The following ANKK1 variants were observed in gnomAD, a reference collection of about 807,000 sequenced individuals.
ANKK1 encodes the protein ankyrin repeat and protein kinase domain-containing protein 1.
In ANKK1, 37 loss-of-function variants were observed where a neutral mutation model predicts 37.6. The ratio of observed to expected loss-of-function variants is 0.98; its 90% confidence interval spans 0.76 to 1.29. The LOEUF (loss-of-function observed/expected upper bound fraction) is 1.29, where lower values mean the gene tolerates loss of function less well. Ranked by LOEUF, ANKK1 falls within the 50% of genes most tolerant of loss-of-function variation. The probability of loss-of-function intolerance (pLI) is 0.00; values close to 1 mark genes in which losing one functional copy is unlikely to be tolerated. For synonymous variants in ANKK1, 415 were observed against 418.7 expected, an observed-to-expected ratio of 0.99 and a Z score of 0.11; for missense variants, 1,019 against 990.6, an observed-to-expected ratio of 1.03 and a Z score of -0.39.
intron 5 of ANKK1, among the ~76,000 whole-genome samples, chr11:113,396,554 G>A (rs928702780): frequency 3.3e-5 from 5 of 151,966 alleles, no homozygotes; most frequent in African/African-American, 1.2e-4. Flanking sequence ...TATTCAGGCT[G>A]TTCTCAAACT....
At chr11:113,392,548 C>G (rs1950596073) in intron 1 of ANKK1, among the ~76,000 whole-genome samples, 1 of 152,240 alleles carries the variant, frequency 6.6e-6, no homozygotes, top group Admixed American at 6.5e-5. Context: ...TTTGCAAATA[C>G]TGTGCTCTCA....
chr11:113,393,924 G>C, intron 2 of ANKK1, 149 bp downstream of exon 2: 3 of 986,060 alleles, frequency 3.0e-6, no homozygotes, highest in Non-Finnish European at 4.3e-6. Context: ...CACTGCAATA[G>C]AGATGGCTAA....
rs1432599659 is a variant in ANKK1, at chr11:113,399,316, C to T, written c.1347C>T (p.Asp449=). ...GDDGTARLLL[D]HGACVDAQER... ...ACGGCACTGCGCGCCTGCTCCTGGA[C>T]CACGGGGCCTGTGTGGATGCCCAGG... The change falls in exon 8 of 8, where the codon GAC becomes GAT. Residue 449 remains aspartate, a synonymous_variant. Coordinates refer to ENST00000303941, the MANE Select transcript of ANKK1 (RefSeq NM_178510.2). The T allele has an allele frequency of 6.2e-7, 1 of 1,600,470 alleles. No homozygotes were observed. Among genetic ancestry groups the T allele is most frequent in the Non-Finnish European group, 8.5e-7 (1 of 1,173,940 alleles).
intron 3 of ANKK1, 72 bp from the exon 4 acceptor site, chr11:113,395,287 C>T (rs540571046): frequency 4.4e-6 from 7 of 1,587,530 alleles, no homozygotes; most frequent in Non-Finnish European, 6.0e-6. Flanking sequence ...GCCCCCCGAC[C>T]CTGCCACCCC....
chr11:113,397,936 T>G, intron 6 of ANKK1, 44 bp from the exon 7 acceptor site: 1 of 1,551,838 alleles, frequency 6.4e-7, no homozygotes, highest in Non-Finnish European at 8.7e-7. Context: ...AGGCTAGAAC[T>G]GCGCCACTGA....
At chr11:113,393,112 G>A (rs548605784) in intron 1 of ANKK1, among the ~76,000 whole-genome samples, 1 of 152,260 alleles carries the variant, frequency 6.6e-6, no homozygotes, top group South Asian at 2.1e-4. Flanking sequence ...ATGTTTTGAA[G>A]CAGAAGCATG....
At chr11:113,393,845 C>A in intron 2 of ANKK1, 70 bp downstream of exon 2, 1 of 1,484,498 alleles carries the variant, frequency 6.7e-7, no homozygotes, top group Non-Finnish European at 9.0e-7. Flanking sequence ...GAATTATCCA[C>A]CTGCCTGACC....
intron 1 of ANKK1, among the ~76,000 whole-genome samples, chr11:113,389,981 G>A (rs898103229): frequency 6.6e-6 from 1 of 152,212 alleles, no homozygotes; most frequent in African/African-American, 2.4e-5. Context: ...ACGGATAATA[G>A]GGGCTAGAGT....
intron 1 of ANKK1, 35 bp from the exon 2 acceptor site, chr11:113,393,446 C>A: frequency 6.3e-7 from 1 of 1,580,700 alleles, no homozygotes; most frequent in South Asian, 1.2e-5. Context: ...ATGAATGGGT[C>A]ACCCCCTTCC....
At chr11:113,394,114 C>T (rs1287892991) in intron 2 of ANKK1, among the ~76,000 whole-genome samples, 1 of 151,874 alleles carries the variant, frequency 6.6e-6, no homozygotes, top group East Asian at 1.9e-4. Context: ...GACATTCTTT[C>T]ACTTCCTAAA....
rs1351902391 is a variant in ANKK1, at chr11:113,399,831, C to T, written c.1862C>T (p.Ala621Val). 1 of 1,608,932 alleles carries T rather than the reference C, an allele frequency of 6.2e-7. No individual in the cohort carries two copies. Residue 621 changes from alanine to valine, a missense_variant, in exon 8 of 8, where the codon GCT becomes GTT. Transcript: ENST00000303941. ...LLAESHANMG[A>V]LGAVNWTPLH... ...GCAGAGAGCCACGCAAACATGGGTG[C>T]TCTTGGAGCTGTGAACTGGACTCCC...
intron 1 of ANKK1, among the ~76,000 whole-genome samples, chr11:113,389,260 C>T (rs1188175149): frequency 6.6e-6 from 1 of 152,078 alleles, no homozygotes; most frequent in Admixed American, 6.6e-5. Flanking sequence ...CTTTCCCTTC[C>T]CAAGTTCTGG....
intron 5 of ANKK1, 25 bp downstream of exon 5, chr11:113,396,247 A>G (rs374985284): frequency 2.2e-4 from 348 of 1,608,662 alleles, no homozygotes; most frequent in Non-Finnish European, 2.8e-4. Context: ...CCCCCTACCC[A>G]GGGACTGGGA....
Position 113,399,276 on chromosome 11 carries a change from C to A in ANKK1, c.1307C>A (p.Ala436Asp). The change falls in exon 8 of 8, where the codon GCC becomes GAC. Residue 436 changes from alanine (A) to aspartate (D), a missense_variant. Coordinates refer to ENST00000303941, the MANE Select transcript of ANKK1 (RefSeq NM_178510.2). ...GGCTGGGCCCCACTGCACTTTGCAG[C>A]CCAGAATGGGGATGACGGCACTGCG... is the stretch of plus-strand genomic sequence containing the variant. ...EDGWAPLHFAAQNGDDGTARL... is the reference protein window; with the variant it reads ...EDGWAPLHFADQNGDDGTARL... 6.2e-7 allele frequency: 1 copy of A among 1,605,988 alleles called. No individual in the cohort carries two copies. Among genetic ancestry groups the A allele is most frequent in the African/African-American group, 1.3e-5 (1 of 74,926 alleles).
At position 113,394,953 on chromosome 11, in the gene ANKK1, T is replaced by G; in HGVS notation, c.505T>G (p.Trp169Gly). Residue 169 changes from tryptophan (W) to glycine (G), a missense_variant, in exon 3 of 8, where the codon TGG becomes GGG. Trp to Gly is a radical substitution (Grantham distance 184, BLOSUM62 -2). Coordinates refer to ENST00000303941, the MANE Select transcript of ANKK1 (RefSeq NM_178510.2). ...VKISDFGLSK[W>G]MEQSTRMQYI... ...GATTTCAGACTTCGGCCTGTCCAAGTGGATGGAACAGTCCACCCGGATGCA... is the reference window on the plus strand; with the variant it reads ...GATTTCAGACTTCGGCCTGTCCAAGGGGATGGAACAGTCCACCCGGATGCA... 1 of 1,612,216 alleles carries G rather than the reference T, an allele frequency of 6.2e-7. No homozygotes were observed. The highest frequency in any genetic ancestry group is 8.5e-7 in the Non-Finnish European group (1 of 1,178,740).
At position 113,387,944 on chromosome 11, in the gene ANKK1, C is replaced by A; in HGVS notation, c.60C>A (p.Asp20Glu). ...LGSLPVFTRD[D>E]FEGDWRLVAS... ...GCCTCCCCGTCTTCACCCGCGACGA[C>A]TTCGAGGGCGACTGGCGCCTAGTGG... Residue 20 changes from aspartate to glutamate, a missense_variant, in exon 1 of 8, where the codon GAC becomes GAA. Transcript: ENST00000303941. 1 of 1,573,850 alleles carries A rather than the reference C, an allele frequency of 6.4e-7. No individual in the cohort carries two copies. Among genetic ancestry groups the A allele is most frequent in the Non-Finnish European group, 8.6e-7 (1 of 1,166,378 alleles).
intron 1 of ANKK1, 145 bp downstream of exon 1, chr11:113,388,214 C>T (rs1950561922): frequency 8.9e-7 from 1 of 1,125,696 alleles, no homozygotes; most frequent in South Asian, 1.8e-5. Context: ...CACCCAGTAG[C>T]CTGAGCCTCC....
In ANKK1 at chr11:113,399,005, C is replaced by A. The variant is rs201257762; in HGVS notation, c.1036C>A (p.Arg346Ser). Residue 346 changes from arginine to serine, a missense_variant, in exon 8 of 8, where the codon CGT becomes AGT. Coordinates refer to ENST00000303941, the MANE Select transcript of ANKK1 (RefSeq NM_178510.2). ...GAAGCGGGCCCTTCAGCTCTCCGAC[C>A]GTAAGAATTTGGTCCCGAGAGATGA... is the stretch of plus-strand genomic sequence containing the variant. ...YLKRALQLSD[R>S]KNLVPRDEEL... 4.4e-6 allele frequency: 7 copies of A among 1,596,804 alleles called. No homozygotes were observed. Among genetic ancestry groups the A allele is most frequent in the South Asian group, 2.3e-5 (2 of 87,530 alleles).
rs371548639 is a variant in ANKK1 at position 113,396,240 on chromosome 11, C to G, written c.838+18C>G. 1.2e-6 allele frequency: 2 copies of G among 1,611,912 alleles called. No homozygotes were observed. The highest frequency in any genetic ancestry group is 8.5e-7 in the Non-Finnish European group (1 of 1,178,536). ...CTTTCTAGGTGCTTATCCAGTGCCC[C>G]CTACCCAGGGACTGGGAGCTGGGTG... On this transcript the variant is annotated intron_variant, in intron 5 of 7. Coordinates refer to ENST00000303941, the MANE Select transcript of ANKK1 (RefSeq NM_178510.2).
Sources: allele counts gnomAD v4.1 joint callset (sites outside exome capture counted in the v4.1 genomes callset), GRCh38; gene constraint gnomAD v4.1.1; transcripts MANE v1.5; gene names NCBI Gene and HGNC (gene_info 2026-07-23, HGNC 2026-07-21).